Variants in KBTBD3 observed in about 807,000 individuals in gnomAD.
The protein encoded by KBTBD3 is kelch repeat and BTB domain containing 3, also known as kelch repeat and BTB domain-containing protein 3.
A neutral mutation model predicts 49.6 loss-of-function variants in KBTBD3; 38 were observed. The ratio of observed to expected loss-of-function variants is 0.77; its 90% CI spans 0.59 to 1.00. The LOEUF is 1.00. Among genes scored for constraint, KBTBD3 ranks in the 50% least tolerant of loss-of-function variants. The pLI is 0.00. For missense variants in KBTBD3, 661 were observed against 712.0 expected, an observed-to-expected ratio of 0.93 and a Z score of 0.81; for synonymous variants, 214 against 250.4, an observed-to-expected ratio of 0.85 and a Z score of 1.37.
chr11:106,055,737 A>G (rs1025258678), intron 3 of KBTBD3, among the ~76,000 whole-genome samples: 1 of 152,186 alleles, frequency 6.6e-6, no homozygotes, highest in Non-Finnish European at 1.5e-5. Context: ...CTGAAAATGC[A>G]GGTACTGGTA....
intron 1 of KBTBD3, 23 bp from the exon 2 acceptor site, chr11:106,076,730 A>G (rs1471494628): frequency 6.6e-6 from 1 of 152,230 alleles, no homozygotes; most frequent in Admixed American, 6.5e-5. Context: ...ACATACATCA[A>G]TATGACCCTT....
At chr11:106,076,845 A>C (rs1861040818) in intron 1 of KBTBD3, 138 bp from the exon 2 acceptor site, 1 of 152,236 alleles carries the variant, frequency 6.6e-6, no homozygotes, top group South Asian at 2.1e-4. Context: ...CAACAATGGA[A>C]TCCTGTTTTC....
At chr11:106,070,869 C>T (rs1194391753) in intron 2 of KBTBD3, among the ~76,000 whole-genome samples, 7 of 152,032 alleles carry the variant, frequency 4.6e-5, no homozygotes, top group South Asian at 2.1e-4. Flanking sequence ...GAATACTACT[C>T]GCCATTAAAA....
Position 106,064,484 on chromosome 11 carries a change from C to A in KBTBD3, c.-12-5375G>T, listed in dbSNP as rs189003987. Among the ~76,000 whole-genome samples, 7 of 151,226 alleles carry A rather than the reference C, an allele frequency of 4.6e-5. No homozygotes were observed. The East Asian group carries it at 1.4e-3, about 30-fold the overall frequency. On this transcript the variant is annotated intron_variant, in intron 2 of 3. Transcript: ENST00000531837. Reference sequence around the variant, plus strand: ...GCTTGAGCCTGGGAGGCAGAGGTTGCAGTGGGCCAAGATCATGCCATTGCA... The same window carrying A: ...GCTTGAGCCTGGGAGGCAGAGGTTGAAGTGGGCCAAGATCATGCCATTGCA...
Position 106,052,779 on chromosome 11 carries a change from G to T in KBTBD3, c.*71C>A. 8.5e-7 allele frequency: 1 copy of T among 1,175,504 alleles called. No individual in the cohort carries two copies. Among genetic ancestry groups the T allele is most frequent in the Non-Finnish European group, 1.2e-6 (1 of 823,850 alleles). 72.8% of individuals were successfully genotyped at this position (1,175,504 alleles called of 1,614,324 possible). A position where few individuals can be genotyped will look rare whatever the true frequency, so the allele number is the denominator to read the frequency against. ...ATGTTTTATTTCATTAAGATGTATA[G>T]ATCTTTTTACCTATCATTTTGGTTA... On this transcript the variant is annotated 3_prime_UTR_variant, in exon 4 of 4. Transcript: ENST00000531837.
At chr11:106,071,308 G>A (rs1217620021) in intron 2 of KBTBD3, among the ~76,000 whole-genome samples, 1 of 152,068 alleles carries the variant, frequency 6.6e-6, no homozygotes, top group Non-Finnish European at 1.5e-5. Context: ...TAGTGGCATA[G>A]GTCCTGAGAA....
intron 3 of KBTBD3, among the ~76,000 whole-genome samples, chr11:106,055,879 C>T (rs995653450): frequency 2.6e-5 from 4 of 152,112 alleles, no homozygotes; most frequent in Admixed American, 6.6e-5. Flanking sequence ...TATCGGCTTC[C>T]ACATTTTCTT....
chr11:106,054,286 A>G lies in KBTBD3; in HGVS notation c.403T>C (p.Ser135Pro). ...TCACTGCAAGCTTTGGATAGGAAGG[A>G]AACTTGAAGAAATGATGACAACTGG... The part of the protein sequence containing the change: ...FFQLSSFLQV[S>P]FLSKACSDFL... Residue 135 changes from serine to proline, a missense_variant, in exon 4 of 4, where the codon TCC becomes CCC. Ser to Pro is a moderately conservative substitution (Grantham distance 74, BLOSUM62 -1). Transcript: ENST00000531837. The G allele has an allele frequency of 6.2e-7, 1 of 1,613,078 alleles. No homozygotes were observed. Among genetic ancestry groups the G allele is most frequent in the Non-Finnish European group, 8.5e-7 (1 of 1,179,560 alleles).
chr11:106,067,512 G>A (rs1860832061), intron 2 of KBTBD3, among the ~76,000 whole-genome samples: 1 of 151,962 alleles, frequency 6.6e-6, no homozygotes. Flanking sequence ...TCAGGAGGCT[G>A]AGGCAGAAGA....
At chr11:106,057,487 A>G (rs1860577261) in intron 3 of KBTBD3, 1 of 152,220 alleles carries the variant, frequency 6.6e-6, no homozygotes, top group South Asian at 2.1e-4. Context: ...GGTTTCACCA[A>G]AAGGGGCTTG....
At chr11:106,058,826 C>T (rs1239786938) in intron 3 of KBTBD3, 39 bp downstream of exon 3, 5 of 1,181,776 alleles carry the variant, frequency 4.2e-6, no homozygotes, top group Non-Finnish European at 3.6e-6. Context: ...ACTTAATTAT[C>T]CAAATCATAA....
At position 106,053,144 on chromosome 11, in the gene KBTBD3, G is replaced by A. The variant is rs1316341498; in HGVS notation, c.1545C>T (p.Asp515=). The change falls in exon 4 of 4, where the codon GAC becomes GAT. Residue 515 remains aspartate, a synonymous_variant. Transcript: ENST00000531837. The part of the protein sequence containing the change: ...VPVNCTLYIC[D]LSTYKVYSFC... The stretch of plus-strand genomic sequence containing the variant: ...AACTATAAACCTTATAGGTGGAAAG[G>A]TCACATATATACAGTGTACAGTTTA... 3 of 1,613,384 alleles carry A rather than the reference G, an allele frequency of 1.9e-6. No homozygotes were observed. In the African/African-American group the frequency reaches 4.0e-5, roughly 22 times the overall value.
At chr11:106,067,251 G>GTGC (rs1860827110) in intron 2 of KBTBD3, among the ~76,000 whole-genome samples, 1 of 152,144 alleles carries the variant, frequency 6.6e-6, no homozygotes. Flanking sequence ...CTATAATGAG[G>GTGC]TGCTTCTATC....
intron 3 of KBTBD3, chr11:106,057,826 G>A (rs558213154): frequency 1.1e-5 from 4 of 369,102 alleles, no homozygotes; most frequent in African/African-American, 2.1e-5. Flanking sequence ...TCCTCTCCCC[G>A]TAATACATGA....
In KBTBD3 at chr11:106,059,108, A is replaced by C. The variant is rs1860627317; in HGVS notation, c.-11T>G. 6.6e-7 allele frequency: 1 copy of C among 1,505,894 alleles called. No homozygotes were observed. Among genetic ancestry groups the C allele is most frequent in the Admixed American group, 2.5e-5 (1 of 40,514 alleles). 93.3% of individuals were successfully genotyped at this position (1,505,894 alleles called of 1,614,324 possible). On this transcript the variant is annotated splice_region_variant and 5_prime_UTR_variant, in exon 3 of 4. Transcript: ENST00000531837. ...CATAGCCAATTCCATATGTCCTTAG[A>C]ACTAGAATAAAAACAAAATCACCGA...
chr11:106,072,616 AG>A (rs918914850), intron 2 of KBTBD3, among the ~76,000 whole-genome samples: 2 of 152,204 alleles, frequency 1.3e-5, no homozygotes, highest in Admixed American at 1.3e-4. Flanking sequence ...AGAAGAGTCA[AG>A]CCTAAGAACC....
intron 2 of KBTBD3, among the ~76,000 whole-genome samples, chr11:106,074,345 C>T (rs1039681701): frequency 1.3e-5 from 2 of 152,182 alleles, no homozygotes; most frequent in Admixed American, 6.5e-5. Context: ...CTCCAGTTAT[C>T]GTCTCAACCC....
chr11:106,053,793 A>G lies in KBTBD3; in HGVS notation c.896T>C (p.Ile299Thr). 6.2e-7 allele frequency: 1 copy of G among 1,613,940 alleles called. No individual in the cohort carries two copies. The highest frequency in any genetic ancestry group is 8.5e-7 in the Non-Finnish European group (1 of 1,179,910). The change falls in exon 4 of 4, where the codon ATT becomes ACT. Residue 299 changes from isoleucine (I) to threonine (T), a missense_variant. Ile to Thr is a moderately conservative substitution (Grantham distance 89). Coordinates refer to ENST00000531837, the MANE Select transcript of KBTBD3 (RefSeq NM_198439.3). Reference protein sequence around the residue: ...RPSTTEKYIFIHKTEENGENQ... With the variant: ...RPSTTEKYIFTHKTEENGENQ... Reference sequence around the variant, plus strand: ...TTCTCCATTTTCCTCAGTTTTGTGAATGAATATGTATTTCTCAGTTGTGGA... The same window carrying G: ...TTCTCCATTTTCCTCAGTTTTGTGAGTGAATATGTATTTCTCAGTTGTGGA...
At chr11:106,076,944 C>T (rs1196580203) in intron 1 of KBTBD3, among the ~76,000 whole-genome samples, 1 of 152,222 alleles carries the variant, frequency 6.6e-6, no homozygotes, top group Non-Finnish European at 1.5e-5. Context: ...ATTAGCTCAG[C>T]TGCTCGCTGG....
Sources: allele counts gnomAD v4.1 joint callset (sites outside exome capture counted in the v4.1 genomes callset), GRCh38; gene constraint gnomAD v4.1.1; transcripts MANE v1.5; gene names NCBI Gene and HGNC (gene_info 2026-07-23, HGNC 2026-07-21).